Variants in CDIN1 observed in about 807,000 individuals in gnomAD.
The protein encoded by CDIN1 is CDAN1-interacting nuclease 1.
CDIN1 carries 33 observed loss-of-function variants against 45.3 expected under a neutral mutation model. The observed-to-expected ratio is 0.73, with a 90% CI of 0.55 to 0.97. The LOEUF (loss-of-function observed/expected upper bound fraction) is 0.97, where lower values mean the gene tolerates loss of function less well. CDIN1 is among the 50% of genes least tolerant of loss of function. The pLI, the probability that CDIN1 is intolerant of heterozygous loss-of-function variation, is 0.00. For missense variants in CDIN1, 303 were observed against 339.4 expected, an observed-to-expected ratio of 0.89 and a Z score of 0.84; for synonymous variants, 118 against 124.4, an observed-to-expected ratio of 0.95 and a Z score of 0.34.
chr15:36,697,915 T>A (rs2042494175), intron 8 of CDIN1, among the ~76,000 whole-genome samples: 1 of 152,176 alleles, frequency 6.6e-6, no homozygotes, highest in Admixed American at 6.6e-5. Flanking sequence ...TACAGATTAT[T>A]TCTTTCAACA....
At chr15:36,670,362 C>T (rs952527866) in intron 5 of CDIN1, among the ~76,000 whole-genome samples, 5 of 152,042 alleles carry the variant, frequency 3.3e-5, no homozygotes, top group Admixed American at 1.3e-4. Flanking sequence ...TAAACTCTTT[C>T]GTTAGTTACT....
At chr15:36,619,170 C>A in intron 1 of CDIN1, 3 of 1,228,088 alleles carry the variant, frequency 2.4e-6, no homozygotes, top group Non-Finnish European at 3.5e-6. Flanking sequence ...CTGGAAAAAT[C>A]AGGGAACAGA....
chr15:36,668,316 A>G (rs560623596), intron 5 of CDIN1: 1 of 152,206 alleles, frequency 6.6e-6, no homozygotes, highest in Admixed American at 6.5e-5. Flanking sequence ...AAACATTTCA[A>G]TAGAACTTTA....
intron 7 of CDIN1, among the ~76,000 whole-genome samples, chr15:36,693,642 G>A (rs1007304179): frequency 2.6e-5 from 4 of 152,092 alleles, no homozygotes; most frequent in African/African-American, 9.7e-5. Flanking sequence ...ATGTATGCAC[G>A]GACTAAAGTA....
chr15:36,645,124 G>GTGCT, intron 2 of CDIN1, 99 bp from the exon 3 acceptor site: 2 of 908,112 alleles, frequency 2.2e-6, no homozygotes, highest in South Asian at 1.5e-5. Context: ...TGTTCCCTAT[G>GTGCT]TGCTAGTCAC....
At chr15:36,625,773 A>G (rs2039396930) in intron 1 of CDIN1, among the ~76,000 whole-genome samples, 1 of 152,204 alleles carries the variant, frequency 6.6e-6, no homozygotes, top group Non-Finnish European at 1.5e-5. Context: ...AACTCTCAGT[A>G]TGGCCTGTTA....
At chr15:36,709,334 A>G (rs370691247) in intron 9 of CDIN1, 46 bp downstream of exon 9, 17 of 1,451,344 alleles carry the variant, frequency 1.2e-5, no homozygotes, top group Non-Finnish European at 1.1e-5. Context: ...GAGAAAAGGG[A>G]TGTATTTTTT....
chr15:36,611,715 GGAATCGATCA>G (rs1358762251), intron 1 of CDIN1, among the ~76,000 whole-genome samples: 6 of 152,152 alleles, frequency 3.9e-5, no homozygotes, highest in Non-Finnish European at 2.9e-5. Flanking sequence ...TTTACTAAAC[GGAATCGATCA>G]TGTCTTGAAC....
At chr15:36,619,632 G>GA (rs533822162) in intron 1 of CDIN1, among the ~76,000 whole-genome samples, 1,930 of 144,088 alleles carry the variant, frequency 0.013, 14 homozygotes, top group Non-Finnish European at 0.019. Context: ...CAGCTTGGAG[G>GA]AAAAAAAAAA....
At chr15:36,599,818 C>T (rs1293818482) in intron 1 of CDIN1, among the ~76,000 whole-genome samples, 1 of 152,154 alleles carries the variant, frequency 6.6e-6, no homozygotes, top group Non-Finnish European at 1.5e-5. Flanking sequence ...GTTGGGGAGT[C>T]ATCTGTCAGC....
chr15:36,734,372 C>T (rs1252245835), intron 10 of CDIN1: 1 of 428,772 alleles, frequency 2.3e-6, no homozygotes, highest in Non-Finnish European at 4.6e-6. Context: ...GTACTTTATT[C>T]CTTCCCTAGT....
intron 10 of CDIN1, among the ~76,000 whole-genome samples, chr15:36,732,231 CA>C (rs1393438280): frequency 1.3e-5 from 2 of 151,898 alleles, no homozygotes; most frequent in African/African-American, 4.8e-5. Context: ...GTTCCAAATT[CA>C]ATTGAAAAAG....
At chr15:36,656,295 G>A (rs1474868020) in intron 4 of CDIN1, among the ~76,000 whole-genome samples, 3 of 152,068 alleles carry the variant, frequency 2.0e-5, no homozygotes, top group East Asian at 1.9e-4. Context: ...GAAATATATA[G>A]CATTGGTACA....
At chr15:36,592,285 C>T (rs947328880) in intron 1 of CDIN1, among the ~76,000 whole-genome samples, 15 of 152,088 alleles carry the variant, frequency 9.9e-5, no homozygotes, top group Admixed American at 3.3e-4. Context: ...CTACAAACCG[C>T]GACCTCACAT....
chr15:36,601,343 T>G (rs560158228), intron 1 of CDIN1, among the ~76,000 whole-genome samples: 74 of 152,290 alleles, frequency 4.9e-4, no homozygotes, highest in Non-Finnish European at 9.1e-4. Context: ...TATACCCCAT[T>G]TTCTTTTCGT....
intron 10 of CDIN1, among the ~76,000 whole-genome samples, chr15:36,781,149 A>C (rs2054342287): frequency 6.6e-6 from 1 of 152,214 alleles, no homozygotes; most frequent in African/African-American, 2.4e-5. Context: ...ACAAAAGAAT[A>C]ATCTAATGAA....
At chr15:36,631,097 A>G (rs1304747657) in intron 1 of CDIN1, among the ~76,000 whole-genome samples, 2 of 152,220 alleles carry the variant, frequency 1.3e-5, no homozygotes, top group East Asian at 1.9e-4. Flanking sequence ...AGGACTGAAC[A>G]ATGGTCCCGT....
rs144594965 is a variant in CDIN1 at position 36,768,821 on chromosome 15, G to A, written c.717-39503G>A. Among the ~76,000 whole-genome samples, 387 of 152,198 alleles carry A rather than the reference G, an allele frequency of 2.5e-3. 1 individual carries two copies. The highest frequency in any genetic ancestry group is 8.4e-3 in the African/African-American group (349 of 41,532). On this transcript the variant is annotated intron_variant, in intron 10 of 10. Transcript: ENST00000566621. ...AAGCAAAGAAGAGTAAAAGAATGAA[G>A]GTAGCTGAAGGAGCCAAGGAGAAAG...
chr15:36,613,454 A>T, intron 1 of CDIN1: 2 of 1,538,052 alleles, frequency 1.3e-6, no homozygotes, highest in Admixed American at 1.7e-5. Flanking sequence ...GAGCGTGAGC[A>T]GTAGCTAGGT....
Sources: gnomAD v4.1 joint callset for allele counts (sites outside exome capture counted in the v4.1 genomes callset) on GRCh38, gnomAD v4.1.1 for gene constraint, MANE v1.5 for transcripts, NCBI Gene and HGNC (gene_info 2026-07-23, HGNC 2026-07-21) for gene names.